MKNK2: variants seen among roughly 807,000 people sequenced by gnomAD.
MKNK2 encodes the protein MAPK interacting serine/threonine kinase 2.
MKNK2 carries 54 observed loss-of-function variants against 55.0 expected under a neutral mutation model. The ratio of observed to expected loss-of-function variants is 0.98; its 90% CI spans 0.79 to 1.23. The LOEUF is 1.23. Among genes scored for constraint, MKNK2 ranks in the 50% most tolerant of loss-of-function variants. MKNK2 has a pLI of 0.00. For missense variants in MKNK2, 685 were observed against 632.1 expected (o/e 1.08, Z -0.90); for synonymous variants, 323 against 256.0 (o/e 1.26, Z -2.50).
rs1464709466 is a variant in MKNK2 at position 2,042,168 on chromosome 19, G to A, written c.751-134C>T. ...CGGGCCCGACCAATCAGCGGCTGCCGGGAACGCGCCCCCGCCCAATCAGCA... is the reference window on the plus strand; with the variant it reads ...CGGGCCCGACCAATCAGCGGCTGCCAGGAACGCGCCCCCGCCCAATCAGCA... On this transcript the variant is annotated intron_variant, in intron 10 of 13. Coordinates refer to ENST00000250896, the MANE Select transcript of MKNK2 (RefSeq NM_199054.3). 1.6e-5 allele frequency: 14 copies of A among 888,432 alleles called. No individual in the cohort carries two copies. The East Asian group carries it at 2.9e-4, about 18-fold the overall frequency. The allele number at this position is 888,432 out of a possible 1,614,324, so 55.0% of individuals were successfully genotyped here.
At position 2,051,210 on chromosome 19, in the gene MKNK2, C is replaced by T. The variant is rs1363395788; in HGVS notation, c.-211G>A. 1 of 153,590 alleles carries T rather than the reference C, an allele frequency of 6.5e-6. No homozygotes were observed. The highest frequency in any genetic ancestry group is 1.9e-4 in the East Asian group (1 of 5,240). The allele number at this position is 153,590 out of a possible 1,614,324, so 9.5% of individuals were successfully genotyped here. On this transcript the variant is annotated 5_prime_UTR_variant, in exon 1 of 14. Coordinates refer to ENST00000250896, the MANE Select transcript of MKNK2 (RefSeq NM_199054.3). ...CGCCGCCGCCGCCGCCAGCGCGGACCCCTCTACCTGGGCCACCGCCGCTGA... is the reference window on the plus strand; with the variant it reads ...CGCCGCCGCCGCCGCCAGCGCGGACTCCTCTACCTGGGCCACCGCCGCTGA...
chr19:2,040,493 C>G lies in MKNK2; in HGVS notation c.1111-316G>C, dbSNP rs554435672. On this transcript the variant is annotated intron_variant, in intron 12 of 13. Transcript: ENST00000250896. ...CCCAGCCCAAACCCACCTCCGCCCC[C>G]CTCTTAACCCATGGGTCTCTGGATG... 2.0e-5 allele frequency: 8 copies of G among 409,952 alleles called. 1 individual carries two copies. The highest frequency in any genetic ancestry group is 1.9e-4 in the East Asian group (5 of 26,076). The allele number at this position is 409,952 out of a possible 1,614,324, so 25.4% of individuals were successfully genotyped here.
chr19:2,039,243 G>A lies in MKNK2; in HGVS notation c.*370C>T. Reference sequence around the variant, plus strand: ...GCAAACGCTGTGGGCCTGCTCTCCTGAGTCACTGCAAGCCACGTGGGCAGA... The same window carrying A: ...GCAAACGCTGTGGGCCTGCTCTCCTAAGTCACTGCAAGCCACGTGGGCAGA... On this transcript the variant is annotated 3_prime_UTR_variant, in exon 14 of 14. Transcript: ENST00000250896. 2 of 1,101,176 alleles carry A rather than the reference G, an allele frequency of 1.8e-6. No homozygotes were observed. Among genetic ancestry groups the A allele is most frequent in the Non-Finnish European group, 2.2e-6 (2 of 900,490 alleles). The allele number at this position is 1,101,176 out of a possible 1,614,324, so 68.2% of individuals were successfully genotyped here.
At chr19:2,041,578 G>A (rs568066629) in intron 11 of MKNK2, among the ~76,000 whole-genome samples, 2 of 152,292 alleles carry the variant, frequency 1.3e-5, no homozygotes, top group South Asian at 4.1e-4. Context: ...GAAACTGGCA[G>A]ACAGGGCGGC....
chr19:2,042,656 G>A lies in MKNK2; in HGVS notation c.605C>T (p.Ala202Val). The A allele has an allele frequency of 6.4e-7, 1 of 1,561,960 alleles. No individual in the cohort carries two copies. Among genetic ancestry groups the A allele is most frequent in the Non-Finnish European group, 8.7e-7 (1 of 1,152,438 alleles). ...ALDFLHNKGI[A>V]HRDLKPENIL... ...GTTTTCCGGCTTTAGGTCCCTGTGG[G>A]CGATGCCTGGGGGAGAAGCCACAGA... The change falls in exon 9 of 14, where the codon GCC becomes GTC. Residue 202 changes from alanine to valine, a missense_variant. Physicochemically the swap from Ala to Val is moderately conservative, Grantham distance 64. Transcript: ENST00000250896.
chr19:2,040,016 C>A, intron 13 of MKNK2, 118 bp downstream of exon 13: 1 of 1,404,120 alleles, frequency 7.1e-7, no homozygotes, highest in Non-Finnish European at 9.9e-7. Context: ...TTCACTGAGT[C>A]ACCAGGCTTG....
At position 2,041,898 on chromosome 19, in the gene MKNK2, A is replaced by AC; in HGVS notation, c.886dup (p.Val296GlyfsTer25). 1 of 1,545,044 alleles carries AC rather than the reference A, an allele frequency of 6.5e-7. No homozygotes were observed. Among genetic ancestry groups the AC allele is most frequent in the Non-Finnish European group, 8.7e-7 (1 of 1,144,422 alleles). On this transcript the variant is annotated frameshift_variant, in exon 11 of 14. Transcript: ENST00000250896. LOFTEE classifies it high-confidence loss of function. The stretch of plus-strand genomic sequence containing the variant: ...GCCGCAGTCGCTGCCACAGCGGCCC[A>AC]CGAAGGGCGGGTAGCCGCTGAGTAG...
At position 2,037,868 on chromosome 19, in the gene MKNK2, C is replaced by CT; in HGVS notation, c.*1744dup. 3.2e-6 allele frequency: 5 copies of CT among 1,549,542 alleles called. No homozygotes were observed. Among genetic ancestry groups the CT allele is most frequent in the Non-Finnish European group, 4.4e-6 (5 of 1,141,266 alleles). On this transcript the variant is annotated 3_prime_UTR_variant, in exon 14 of 14. Transcript: ENST00000250896. ...AAAAAAAACAAACAAACAAACGCTG[C>CT]TAGCCACTCAGCTTTAGAGACCCGA...
At chr19:2,042,568 C>G in intron 9 of MKNK2, 39 bp downstream of exon 9, 1 of 1,574,128 alleles carries the variant, frequency 6.4e-7, no homozygotes. Context: ...CCACGCGGTC[C>G]ACCCCTCCCG....
At chr19:2,040,290 C>A in intron 12 of MKNK2, 113 bp from the exon 13 acceptor site, 6 of 983,194 alleles carry the variant, frequency 6.1e-6, no homozygotes, top group Admixed American at 3.0e-5. Flanking sequence ...AGGACCCCAC[C>A]GGAGACCAGG....
Position 2,041,074 on chromosome 19 carries a change from G to C in MKNK2, c.1076C>G (p.Ala359Gly), listed in dbSNP as rs781187717. The change falls in exon 12 of 14, where the codon GCC becomes GGC. Residue 359 changes from alanine to glycine, a missense_variant. Ala to Gly is a moderately conservative substitution (Grantham distance 60). Transcript: ENST00000250896. Reference sequence around the variant, plus strand: ...CCAGGGGTGCTGCAGGACTTGGGCGGCACTCAGCCTCTGCTTGGCGTCACG... The same window carrying C: ...CCAGGGGTGCTGCAGGACTTGGGCGCCACTCAGCCTCTGCTTGGCGTCACG... The part of the protein sequence containing the change: ...LVRDAKQRLS[A>G]AQVLQHPWVQ... The C allele has an allele frequency of 6.2e-7, 1 of 1,614,018 alleles. No homozygotes were observed. Among genetic ancestry groups the C allele is most frequent in the Non-Finnish European group, 8.5e-7 (1 of 1,179,966 alleles).
At chr19:2,040,330 G>A (rs571623506) in intron 12 of MKNK2, 153 bp from the exon 13 acceptor site, 94 of 658,712 alleles carry the variant, frequency 1.4e-4, no homozygotes, top group African/African-American at 1.1e-3. Flanking sequence ...GGAGCCAAGC[G>A]CCCACCCCGA....
intron 11 of MKNK2, 112 bp from the exon 12 acceptor site, chr19:2,041,316 A>G: frequency 9.0e-7 from 1 of 1,110,842 alleles, no homozygotes; most frequent in Non-Finnish European, 1.3e-6. Context: ...GCCCTAGACC[A>G]CGCACGCCTG....
At chr19:2,049,464 C>T (rs1318973895) in intron 2 of MKNK2, among the ~76,000 whole-genome samples, 2 of 152,208 alleles carry the variant, frequency 1.3e-5, no homozygotes, top group African/African-American at 2.4e-5. Context: ...TCCACCAAGA[C>T]GCCCACCTTC....
At chr19:2,048,787 A>T (rs553218620) in intron 2 of MKNK2, among the ~76,000 whole-genome samples, 6 of 150,112 alleles carry the variant, frequency 4.0e-5, no homozygotes, top group Admixed American at 3.3e-4. Context: ...CTGGGGGAGG[A>T]GGGAAGGAAG....
At position 2,039,716 on chromosome 19, in the gene MKNK2, C is replaced by T. The variant is rs756023428; in HGVS notation, c.1295G>A (p.Arg432His). Residue 432 changes from arginine (R) to histidine (H), a missense_variant, in exon 14 of 14, where the codon CGC (arginine) becomes CAC (histidine). Transcript: ENST00000250896. ...GGAGGGTGGAGACAGCTGCAGGCAG[C>T]GTGAGGTAGCTCGGACCAGGACGGG... ...GQPVLVRATS[R>H]CLQLSPPSQS... 1.2e-5 allele frequency: 20 copies of T among 1,611,964 alleles called. No individual in the cohort carries two copies. The highest frequency in any genetic ancestry group is 1.2e-4 in the African/African-American group (9 of 74,946).
intron 2 of MKNK2, 120 bp downstream of exon 2, chr19:2,050,681 G>A (rs2017095921): frequency 4.3e-6 from 4 of 936,412 alleles, no homozygotes; most frequent in Admixed American, 2.8e-5. Context: ...AGCCCCGGGT[G>A]TAGGGCGGGG....
rs377519484 is a variant in MKNK2 at position 2,046,663 on chromosome 19, G to C, written c.80C>G (p.Ser27Cys). Residue 27 changes from serine to cysteine, a missense_variant, in exon 3 of 14, where the codon TCC (serine) becomes TGC (cysteine). Ser to Cys is a moderately radical substitution (Grantham distance 112, BLOSUM62 -1). Coordinates refer to ENST00000250896, the MANE Select transcript of MKNK2 (RefSeq NM_199054.3). ...KGQNPFELAF[S>C]LDQPDHGDSD... is the part of the protein sequence containing the mutation. ...GTCTCCGTGGTCGGGCTGGTCTAGG[G>C]AGAAGGCCAGCTCGAAGGGGTTCTG... 5 of 1,549,524 alleles carry C rather than the reference G, an allele frequency of 3.2e-6. No individual in the cohort carries two copies. Among genetic ancestry groups the C allele is most frequent in the African/African-American group, 2.7e-5 (2 of 73,504 alleles).
intron 5 of MKNK2, among the ~76,000 whole-genome samples, chr19:2,044,117 G>A (rs1185273983): frequency 2.0e-5 from 3 of 151,846 alleles, no homozygotes; most frequent in Non-Finnish European, 4.4e-5. Flanking sequence ...TGCCCTGGGC[G>A]GCCACCCTCC....
Sources: allele counts gnomAD v4.1 joint callset (sites outside exome capture counted in the v4.1 genomes callset), GRCh38; gene constraint gnomAD v4.1.1; transcripts MANE v1.5; gene names NCBI Gene and HGNC (gene_info 2026-07-23, HGNC 2026-07-21).